The following ITGBL1 variants were observed in gnomAD, a reference collection of about 807,000 sequenced individuals.
ITGBL1 encodes integrin subunit beta like 1.
ITGBL1 carries 51 observed loss-of-function variants against 68.5 expected under a neutral mutation model. The observed-to-expected ratio is 0.74, with a 90% CI of 0.59 to 0.94. The LOEUF (loss-of-function observed/expected upper bound fraction) is 0.94, where lower values mean the gene tolerates loss of function less well. Among genes scored for constraint, ITGBL1 ranks in the 40% least tolerant of loss-of-function variants. The pLI is 0.00. For synonymous variants in ITGBL1, 209 were observed against 227.3 expected, an observed-to-expected ratio of 0.92 and a Z score of 0.72; for missense variants, 649 against 647.4, an observed-to-expected ratio of 1.00 and a Z score of -0.03.
At chr13:101,611,358 G>A (rs1257240912) in intron 7 of ITGBL1, among the ~76,000 whole-genome samples, 1 of 152,088 alleles carries the variant, frequency 6.6e-6, no homozygotes, top group Non-Finnish European at 1.5e-5. Context: ...CCTTTCATGT[G>A]CCCTTCTGCA....
chr13:101,538,869 T>G (rs1012777337), intron 2 of ITGBL1, among the ~76,000 whole-genome samples: 1 of 152,054 alleles, frequency 6.6e-6, no homozygotes, highest in African/African-American at 2.4e-5. Flanking sequence ...AGTCATTATT[T>G]TACATAGAAA....
intron 2 of ITGBL1, among the ~76,000 whole-genome samples, chr13:101,519,516 TCTGCCTGCCTGC>T (rs966505097): frequency 1.3e-5 from 2 of 152,068 alleles, no homozygotes; most frequent in Non-Finnish European, 2.9e-5. Flanking sequence ...TTCCTGCCTG[TCTGCCTGCCTGC>T]CTGCCTGTCT....
At chr13:101,666,277 C>T (rs1386065087) in intron 7 of ITGBL1, among the ~76,000 whole-genome samples, 1 of 152,106 alleles carries the variant, frequency 6.6e-6, no homozygotes, top group East Asian at 1.9e-4. Flanking sequence ...CAGGAGTCAC[C>T]TTTTCTGCCC....
At chr13:101,675,362 C>CA (rs1327645925) in intron 7 of ITGBL1, among the ~76,000 whole-genome samples, 2 of 152,012 alleles carry the variant, frequency 1.3e-5, no homozygotes, top group South Asian at 2.1e-4. Flanking sequence ...CAAAGACTGT[C>CA]AAAAAAATTA....
At chr13:101,602,594 C>T (rs1594920636) in intron 7 of ITGBL1, among the ~76,000 whole-genome samples, 1 of 151,906 alleles carries the variant, frequency 6.6e-6, no homozygotes, top group East Asian at 1.9e-4. Context: ...AGATATAATT[C>T]ACATACCACA....
At chr13:101,697,540 A>G (rs2034030544) in intron 8 of ITGBL1, among the ~76,000 whole-genome samples, 1 of 152,232 alleles carries the variant, frequency 6.6e-6, no homozygotes, top group Non-Finnish European at 1.5e-5. Flanking sequence ...TAAGTGAGGC[A>G]GTGCCATATA....
intron 2 of ITGBL1, among the ~76,000 whole-genome samples, chr13:101,458,425 G>A (rs2048273696): frequency 6.6e-6 from 1 of 152,156 alleles, no homozygotes; most frequent in South Asian, 2.1e-4. Flanking sequence ...AGAGCTGTAA[G>A]GAAAGTAATA....
chr13:101,685,325 T>G (rs1005865612), intron 7 of ITGBL1, among the ~76,000 whole-genome samples: 9 of 152,058 alleles, frequency 5.9e-5, no homozygotes, highest in African/African-American at 2.2e-4. Context: ...AATTTTCCAT[T>G]ATATTAGGTT....
intron 7 of ITGBL1, among the ~76,000 whole-genome samples, chr13:101,667,025 C>T (rs1293645031): frequency 2.2e-4 from 34 of 152,164 alleles, no homozygotes; most frequent in Admixed American, 2.1e-3. Context: ...CTTGACAGGG[C>T]TTATAGGATT....
At chr13:101,694,356 T>C (rs1212621606) in intron 8 of ITGBL1, among the ~76,000 whole-genome samples, 1 of 152,206 alleles carries the variant, frequency 6.6e-6, no homozygotes, top group Non-Finnish European at 1.5e-5. Context: ...AAAGCTTGCC[T>C]GGCCCCTTGA....
intron 7 of ITGBL1, among the ~76,000 whole-genome samples, chr13:101,647,470 AG>A (rs1176538232): frequency 6.6e-6 from 1 of 152,314 alleles, no homozygotes; most frequent in East Asian, 1.9e-4. Context: ...CAACAAGAAA[AG>A]CTGTATAAAA....
intron 2 of ITGBL1, among the ~76,000 whole-genome samples, chr13:101,482,896 A>C (rs2139042933): frequency 6.6e-6 from 1 of 152,276 alleles, no homozygotes; most frequent in African/African-American, 2.4e-5. Context: ...ACTTGTTAAA[A>C]CTGTGAATTC....
intron 7 of ITGBL1, among the ~76,000 whole-genome samples, chr13:101,679,820 T>C (rs2033597920): frequency 6.6e-6 from 1 of 152,196 alleles, no homozygotes. Flanking sequence ...CCTTTAGAGA[T>C]GAGTGTGGCC....
intron 7 of ITGBL1, among the ~76,000 whole-genome samples, chr13:101,622,841 T>C (rs1328569271): frequency 1.3e-5 from 2 of 151,858 alleles, no homozygotes; most frequent in African/African-American, 4.8e-5. Context: ...TAGTTCTAGG[T>C]TCCCCAGCAC....
chr13:101,582,617 C>CT (rs1178811221), intron 5 of ITGBL1, among the ~76,000 whole-genome samples: 1 of 152,212 alleles, frequency 6.6e-6, no homozygotes, highest in Admixed American at 6.5e-5. Flanking sequence ...ACTTCTTAGT[C>CT]TTTTTTATTT....
intron 7 of ITGBL1, among the ~76,000 whole-genome samples, chr13:101,673,307 G>T (rs2033422362): frequency 6.6e-6 from 1 of 152,136 alleles, no homozygotes; most frequent in African/African-American, 2.4e-5. Context: ...ATATTTACAT[G>T]CCCTGACAGA....
intron 3 of ITGBL1, among the ~76,000 whole-genome samples, chr13:101,569,432 A>T (rs1350222902): frequency 1.3e-5 from 2 of 152,182 alleles, no homozygotes; most frequent in Non-Finnish European, 2.9e-5. Context: ...GATACAATGT[A>T]AACGCATTTC....
At chr13:101,705,322 A>C (rs7329933) in intron 8 of ITGBL1, among the ~76,000 whole-genome samples, 1,917 of 145,208 alleles carry the variant, frequency 0.013, 46 homozygotes, top group African/African-American at 0.043. Context: ...ACAACAACAA[A>C]AAAAAATAGT....
rs567387994 is a variant in ITGBL1, at chr13:101,509,265, T to C, written c.316+55165T>C. On this transcript the variant is annotated intron_variant, in intron 2 of 10. Coordinates refer to ENST00000376180, the MANE Select transcript of ITGBL1 (RefSeq NM_004791.3). ...TGAGACTCATTCACGATCATCAGAATAGCACAGGAAAGACCTGCCCCCATA... is the reference window on the plus strand; with the variant it reads ...TGAGACTCATTCACGATCATCAGAACAGCACAGGAAAGACCTGCCCCCATA... Among the ~76,000 whole-genome samples, 79 of 152,152 alleles carry C rather than the reference T, an allele frequency of 5.2e-4. 1 individual carries two copies. The highest frequency in any genetic ancestry group is 1.9e-3 in the African/African-American group (78 of 41,522).
Sources: allele counts gnomAD v4.1 joint callset (sites outside exome capture counted in the v4.1 genomes callset), GRCh38; gene constraint gnomAD v4.1.1; transcripts MANE v1.5; gene names NCBI Gene and HGNC (gene_info 2026-07-23, HGNC 2026-07-21).